The following KCTD16 variants were observed in gnomAD, a reference collection of about 807,000 sequenced individuals.
The protein encoded by KCTD16 is potassium channel tetramerization domain containing 16, also known as BTB/POZ domain-containing protein KCTD16.
In KCTD16, 13 loss-of-function variants were observed where a neutral mutation model predicts 33.2. That is an observed-to-expected ratio of 0.39 (90% CI 0.25 to 0.62). The LOEUF is 0.62. Ranked by LOEUF, KCTD16 falls within the 20% of genes least tolerant of loss-of-function variation. KCTD16 has a pLI of 0.50. For synonymous variants in KCTD16, 197 were observed against 195.3 expected (o/e 1.01, Z -0.07); for missense variants, 441 against 525.1 (o/e 0.84, Z 1.57).
At chr5:144,310,036 TG>T (rs1424565912) in intron 3 of KCTD16, among the ~76,000 whole-genome samples, 4 of 132,688 alleles carry the variant, frequency 3.0e-5, no homozygotes, top group South Asian at 2.1e-4. Flanking sequence ...AAACACAAGT[TG>T]TTTTTTTTTT....
intron 3 of KCTD16, among the ~76,000 whole-genome samples, chr5:144,233,874 G>A (rs1254418569): frequency 6.6e-6 from 1 of 152,156 alleles, no homozygotes; most frequent in African/African-American, 2.4e-5. Context: ...AGAGGGAGAA[G>A]AGGGAGGGAT....
intron 3 of KCTD16, among the ~76,000 whole-genome samples, chr5:144,341,154 T>C (rs1333488251): frequency 6.6e-6 from 1 of 152,214 alleles, no homozygotes; most frequent in Non-Finnish European, 1.5e-5. Flanking sequence ...ATTTTTGTTG[T>C]TTAGCCATGC....
intron 3 of KCTD16, among the ~76,000 whole-genome samples, chr5:144,406,770 A>G (rs527424305): frequency 1.3e-5 from 2 of 152,336 alleles, no homozygotes; most frequent in South Asian, 2.1e-4. Flanking sequence ...CTGAAGATTC[A>G]GACAGTGGAG....
At chr5:144,194,839 G>T (rs545068623) in intron 2 of KCTD16, among the ~76,000 whole-genome samples, 2 of 152,300 alleles carry the variant, frequency 1.3e-5, no homozygotes, top group Admixed American at 6.5e-5. Flanking sequence ...CTCTGTGCAA[G>T]AAATAATCAT....
intron 3 of KCTD16, among the ~76,000 whole-genome samples, chr5:144,341,452 C>A (rs1316004711): frequency 2.6e-5 from 4 of 152,114 alleles, no homozygotes; most frequent in African/African-American, 9.7e-5. Context: ...TCCCATGGAG[C>A]CCTCTCTATT....
chr5:144,395,302 G>T (rs78426344), intron 3 of KCTD16, among the ~76,000 whole-genome samples: 20 of 152,216 alleles, frequency 1.3e-4, no homozygotes, highest in Non-Finnish European at 1.5e-5. Context: ...CGATATGTCC[G>T]TGTCTGATAT....
intron 3 of KCTD16, among the ~76,000 whole-genome samples, chr5:144,324,144 T>C (rs1360294740): frequency 6.6e-6 from 1 of 152,160 alleles, no homozygotes; most frequent in Non-Finnish European, 1.5e-5. Context: ...AAACACACTA[T>C]CTTCTCTCTC....
At chr5:144,228,584 CAG>C (rs1754003113) in intron 3 of KCTD16, among the ~76,000 whole-genome samples, 1 of 151,824 alleles carries the variant, frequency 6.6e-6, no homozygotes, top group South Asian at 2.1e-4. Flanking sequence ...GGTGGTAGAA[CAG>C]AAAGTGAGAG....
intron 3 of KCTD16, among the ~76,000 whole-genome samples, chr5:144,207,811 C>G (rs187058397): frequency 1.3e-5 from 2 of 152,266 alleles, no homozygotes; most frequent in Non-Finnish European, 2.9e-5. Flanking sequence ...TAAAATGGAA[C>G]AAGCATGTAT....
At chr5:144,320,068 A>C (rs1293527367) in intron 3 of KCTD16, among the ~76,000 whole-genome samples, 1 of 152,146 alleles carries the variant, frequency 6.6e-6, no homozygotes, top group East Asian at 1.9e-4. Context: ...ATTAGCCAGG[A>C]CAGTAGAAAT....
intron 2 of KCTD16, among the ~76,000 whole-genome samples, chr5:144,199,748 C>T (rs908725408): frequency 5.0e-5 from 6 of 120,362 alleles, no homozygotes; most frequent in Non-Finnish European, 8.1e-5. Flanking sequence ...GACAGAGTCT[C>T]GCTTTGTCAT....
At chr5:144,342,589 G>T (rs1451502835) in intron 3 of KCTD16, among the ~76,000 whole-genome samples, 1 of 152,070 alleles carries the variant, frequency 6.6e-6, no homozygotes, top group Non-Finnish European at 1.5e-5. Context: ...CTGCCTGATT[G>T]CCCTGGCCAG....
chr5:144,329,079 A>G (rs1416732379), intron 3 of KCTD16, among the ~76,000 whole-genome samples: 1 of 152,096 alleles, frequency 6.6e-6, no homozygotes, highest in African/African-American at 2.4e-5. Flanking sequence ...TATTTGAAAT[A>G]TTGTTTGCAT....
intron 3 of KCTD16, among the ~76,000 whole-genome samples, chr5:144,468,530 A>G (rs1015450620): frequency 2.0e-5 from 3 of 152,224 alleles, no homozygotes; most frequent in African/African-American, 7.2e-5. Context: ...GTCAAGCTTG[A>G]AGACAAACTT....
At chr5:144,291,440 A>C (rs1755893444) in intron 3 of KCTD16, among the ~76,000 whole-genome samples, 1 of 152,186 alleles carries the variant, frequency 6.6e-6, no homozygotes, top group Non-Finnish European at 1.5e-5. Context: ...TATACTACTA[A>C]TATGGCACAC....
At chr5:144,182,466 A>G (rs149916823) in intron 2 of KCTD16, among the ~76,000 whole-genome samples, 2 of 152,254 alleles carry the variant, frequency 1.3e-5, no homozygotes, top group Non-Finnish European at 2.9e-5. Context: ...GATGGTTACC[A>G]TAGGCCAGGG....
intron 3 of KCTD16, among the ~76,000 whole-genome samples, chr5:144,341,013 C>G (rs892086690): frequency 6.6e-6 from 1 of 152,022 alleles, no homozygotes; most frequent in East Asian, 1.9e-4. Flanking sequence ...GCATTGCACT[C>G]CAGCCTGGGC....
In KCTD16 at chr5:144,481,659, A is replaced by G. The variant is rs1188442633; in HGVS notation, c.*7545A>G. The G allele has an allele frequency of 6.6e-6, 1 of 151,890 alleles. No homozygotes were observed. The highest frequency in any genetic ancestry group is 2.4e-5 in the African/African-American group (1 of 41,400). 9.4% of individuals were successfully genotyped at this position (151,890 alleles called of 1,614,324 possible). ...AGGACCCAGAAAGTTTAAATCGGTC[A>G]TTTATTTGTTTGTTTATGCATATAT... On this transcript the variant is annotated 3_prime_UTR_variant, in exon 4 of 4. Transcript: ENST00000512467.
chr5:144,323,235 C>A (rs1457925945), intron 3 of KCTD16, among the ~76,000 whole-genome samples: 1 of 152,082 alleles, frequency 6.6e-6, no homozygotes, highest in African/African-American at 2.4e-5. Flanking sequence ...GACAGTGGAC[C>A]AACTGGGGCG....
Sources: allele counts gnomAD v4.1 joint callset (sites outside exome capture counted in the v4.1 genomes callset), GRCh38; gene constraint gnomAD v4.1.1; transcripts MANE v1.5; gene names NCBI Gene and HGNC (gene_info 2026-07-23, HGNC 2026-07-21).